The following SZT2 variants were observed in gnomAD, a reference collection of about 807,000 sequenced individuals.
SZT2 encodes the protein KICSTOR complex protein SZT2.
A neutral mutation model predicts 404.2 loss-of-function variants in SZT2; 216 were observed. That is an observed-to-expected ratio of 0.53 (90% CI 0.48 to 0.60). SZT2 has a LOEUF of 0.60. SZT2 is among the 20% of genes least tolerant of loss of function. The probability of loss-of-function intolerance (pLI) is 0.00; values close to 1 mark genes in which losing one functional copy is unlikely to be tolerated. For synonymous variants in SZT2, 1,693 were observed against 1,749.9 expected (o/e 0.97, Z 0.81); for missense variants, 3,857 against 4,459.2 (o/e 0.86, Z 3.85).
chr1:43,452,742 C>T lies in SZT2; in HGVS notation c.*2262C>T. 1 of 702,716 alleles carries T rather than the reference C, an allele frequency of 1.4e-6. No individual in the cohort carries two copies. Among genetic ancestry groups the T allele is most frequent in the Non-Finnish European group, 2.5e-6 (1 of 406,968 alleles). The allele number at this position is 702,716 out of a possible 1,614,324, so 43.5% of individuals were successfully genotyped here. ...CCCCACCATTGACCAGTAGTGATCC[C>T]CTCTTGCCAGTTCCTTCTGAGCCTG... is the stretch of plus-strand genomic sequence containing the variant. On this transcript the variant is annotated 3_prime_UTR_variant, in exon 72 of 72. Coordinates refer to ENST00000634258, the MANE Select transcript of SZT2 (RefSeq NM_001365999.1).
In SZT2 at chr1:43,450,915, A is replaced by G. The variant is rs1557611291; in HGVS notation, c.*435A>G. 5.4e-6 allele frequency: 4 copies of G among 746,980 alleles called. No individual in the cohort carries two copies. The highest frequency in any genetic ancestry group is 9.8e-6 in the Non-Finnish European group (4 of 406,808). 46.3% of individuals were successfully genotyped at this position (746,980 alleles called of 1,614,324 possible). The stretch of plus-strand genomic sequence containing the variant: ...TCCCACTTGGACATCACTGCTGGAC[A>G]TTCCCATCGAGATGACACCTGGGTT... On this transcript the variant is annotated 3_prime_UTR_variant, in exon 72 of 72. Transcript: ENST00000634258. The surrounding 1 kb of genome is among the most constrained non-coding windows in gnomAD (Gnocchi z 4.3).
chr1:43,449,887 A>G (rs1656174503), intron 70 of SZT2: 1 of 625,822 alleles, frequency 1.6e-6, no homozygotes, highest in Non-Finnish European at 2.9e-6. Context: ...ATCAACTGTT[A>G]CCCCTCATTC....
At chr1:43,399,335 A>T (rs1032812983) in intron 1 of SZT2, among the ~76,000 whole-genome samples, 1 of 151,872 alleles carries the variant, frequency 6.6e-6, no homozygotes, top group African/African-American at 2.4e-5. Context: ...GCATTATCTC[A>T]TCAAGACCCA....
chr1:43,433,275 GAAGT>G (rs1430327881), intron 40 of SZT2, 85 bp downstream of exon 40: 19 of 1,459,488 alleles, frequency 1.3e-5, no homozygotes, highest in Middle Eastern at 2.4e-4. Flanking sequence ...AGTGTTGTTA[GAAGT>G]AAGACTTGGG....
chr1:43,442,981 A>G lies in SZT2; in HGVS notation c.8314A>G (p.Thr2772Ala). Residue 2772 changes from threonine (T) to alanine (A), a missense_variant, in exon 59 of 72, where the codon ACG becomes GCG. By Grantham distance (58) the Thr-to-Ala change is moderately conservative (BLOSUM62 0). This residue lies in a region of SZT2 where 6 missense variants were observed against 17.5 expected (regional missense o/e 0.34). Coordinates refer to ENST00000634258, the MANE Select transcript of SZT2 (RefSeq NM_001365999.1). This position sits in a 1 kb window ranked among gnomAD's most constrained non-coding sequence, Gnocchi z 4.5. ...CTTTGACGAGGCCCTAAGGGATATCACGGCTGCCCGCCCCAGCTCCGTACT... is the reference window on the plus strand; with the variant it reads ...CTTTGACGAGGCCCTAAGGGATATCGCGGCTGCCCGCCCCAGCTCCGTACT... ...FPFDEALRDI[T>A]AARPSSVLGP... is the part of the protein sequence containing the mutation. 6.2e-7 allele frequency: 1 copy of G among 1,614,012 alleles called. No homozygotes were observed. Among genetic ancestry groups the G allele is most frequent in the Non-Finnish European group, 8.5e-7 (1 of 1,179,984 alleles).
Position 43,453,629 on chromosome 1 carries a change from C to G in SZT2, c.*3149C>G. On this transcript the variant is annotated 3_prime_UTR_variant, in exon 72 of 72. Coordinates refer to ENST00000634258, the MANE Select transcript of SZT2 (RefSeq NM_001365999.1). ...TGTTGATCAGTACAAGCCGCAGCCCCGCTTCTCGCGCGGCGCGCGCCAGCG... is the reference window on the plus strand; with the variant it reads ...TGTTGATCAGTACAAGCCGCAGCCCGGCTTCTCGCGCGGCGCGCGCCAGCG... 6.7e-7 allele frequency: 1 copy of G among 1,494,186 alleles called. No homozygotes were observed. 92.6% of individuals were successfully genotyped at this position (1,494,186 alleles called of 1,614,324 possible).
Position 43,453,101 on chromosome 1 carries a change from C to G in SZT2, c.*2621C>G. ...TGCTCCCACAGCTTCCTGGAATAGGCCTGTCCTCAAATGCATCACTGTATA... is the reference window on the plus strand; with the variant it reads ...TGCTCCCACAGCTTCCTGGAATAGGGCTGTCCTCAAATGCATCACTGTATA... On this transcript the variant is annotated 3_prime_UTR_variant, in exon 72 of 72. Transcript: ENST00000634258. 1 of 777,456 alleles carries G rather than the reference C, an allele frequency of 1.3e-6. No individual in the cohort carries two copies. Among genetic ancestry groups the G allele is most frequent in the Non-Finnish European group, 2.3e-6 (1 of 443,764 alleles). 48.2% of individuals were successfully genotyped at this position (777,456 alleles called of 1,614,324 possible). A position where few individuals can be genotyped will look rare whatever the true frequency, so the allele number is the denominator to read the frequency against.
chr1:43,431,176 G>C (rs1466060000), intron 33 of SZT2, 86 bp downstream of exon 33: 1 of 1,572,874 alleles, frequency 6.4e-7, no homozygotes, highest in African/African-American at 1.4e-5. Context: ...GGGGACTAAG[G>C]AGACCTTGAG....
At chr1:43,449,230 G>A (rs1557607800) in intron 70 of SZT2, 1 of 168,108 alleles carries the variant, frequency 5.9e-6, no homozygotes, top group Non-Finnish European at 1.3e-5. Flanking sequence ...TAAAGGACAG[G>A]TAGAGAGAAC....
chr1:43,439,548 G>T lies in SZT2; in HGVS notation c.6878-57G>T. ...CAGGCTTGCAGCTGAGTGGAGGGTC[G>T]TGGGAGGGGTGGTCTGCAAGTCCCA... On this transcript the variant is annotated intron_variant, in intron 49 of 71. Coordinates refer to ENST00000634258, the MANE Select transcript of SZT2 (RefSeq NM_001365999.1). This position sits in a 1 kb window ranked among gnomAD's most constrained non-coding sequence, Gnocchi z 4.2. 6.2e-7 allele frequency: 1 copy of T among 1,608,766 alleles called. No homozygotes were observed. The highest frequency in any genetic ancestry group is 8.5e-7 in the Non-Finnish European group (1 of 1,177,068).
intron 63 of SZT2, 26 bp downstream of exon 63, chr1:43,446,010 T>C: frequency 6.2e-7 from 1 of 1,610,996 alleles, no homozygotes; most frequent in South Asian, 1.1e-5. Context: ...ATGGTAAAGT[T>C]ACTGATGCTA....
At position 43,422,194 on chromosome 1, in the gene SZT2, C is replaced by G. The variant is rs780965558; in HGVS notation, c.1738C>G (p.His580Asp). Residue 580 changes from histidine (H) to aspartate (D), a missense_variant, in exon 12 of 72, where the codon CAT becomes GAT. Physicochemically the swap from His to Asp is moderately conservative, Grantham distance 81 (BLOSUM62 -1). This residue lies in a region of SZT2 where 1,725 missense variants were observed against 1,881.0 expected (regional missense o/e 0.92). Coordinates refer to ENST00000634258, the MANE Select transcript of SZT2 (RefSeq NM_001365999.1). ...TTCCTGGCAGCGATGGCTGCACATGCATCGCCTGGTGCTAATCCTGGAGCA... is the reference window on the plus strand; with the variant it reads ...TTCCTGGCAGCGATGGCTGCACATGGATCGCCTGGTGCTAATCCTGGAGCA... ...ANSWQRWLHM[H>D]RLVLILEHDT... The G allele has an allele frequency of 3.8e-6, 6 of 1,595,384 alleles. No homozygotes were observed. Among genetic ancestry groups the G allele is most frequent in the Non-Finnish European group, 4.2e-6 (5 of 1,177,952 alleles).
At position 43,447,556 on chromosome 1, in the gene SZT2, C is replaced by T. The variant is rs1197531082; in HGVS notation, c.9298C>T (p.Leu3100Phe). ...RNHIYQGTLE[L>F]PTPLIAAHQL... is the part of the protein sequence containing the mutation. ...TACTTATCCCTCAGGGACATTGGAG[C>T]TCCCCACACCACTCATTGCTGCCCA... The change falls in exon 67 of 72, where the codon CTC (leucine) becomes TTC (phenylalanine). Residue 3100 changes from leucine (L) to phenylalanine (F), a missense_variant. Leu to Phe is a conservative substitution (Grantham distance 22, BLOSUM62 0). Around this residue, in one of 7 missense-constraint regions of SZT2, gnomAD observed 717 missense variants for 868.2 expected, o/e 0.83. Coordinates refer to ENST00000634258, the MANE Select transcript of SZT2 (RefSeq NM_001365999.1). 6 of 1,613,892 alleles carry T rather than the reference C, an allele frequency of 3.7e-6. No individual in the cohort carries two copies. Among genetic ancestry groups the T allele is most frequent in the African/African-American group, 1.3e-5 (1 of 75,044 alleles).
Position 43,415,199 on chromosome 1 carries a change from G to C in SZT2, c.616G>C (p.Asp206His). ...KVATMLQQQY[D>H]PQSQAEDQSP... ...GGCCACCATGCTGCAGCAGCAGTAC[G>C]ATCCCCAGAGCCAGGTATGTAAGAG... The change falls in exon 5 of 72, where the codon GAT becomes CAT. Residue 206 changes from aspartate to histidine, a missense_variant. This residue lies in a region of SZT2 where 536 missense variants were observed against 637.4 expected (regional missense o/e 0.84). Coordinates refer to ENST00000634258, the MANE Select transcript of SZT2 (RefSeq NM_001365999.1). 6.3e-7 allele frequency: 1 copy of C among 1,597,834 alleles called. No homozygotes were observed. Among genetic ancestry groups the C allele is most frequent in the African/African-American group, 1.3e-5 (1 of 75,014 alleles).
chr1:43,392,235 T>G (rs1648473345), intron 1 of SZT2, among the ~76,000 whole-genome samples: 1 of 152,040 alleles, frequency 6.6e-6, no homozygotes, highest in Non-Finnish European at 1.5e-5. Flanking sequence ...TTTTTTTTGG[T>G]ACCAAGTCTT....
rs1557585701 is a variant in SZT2, at chr1:43,439,130, ACCCCTGC to A, written c.6792+48_6792+54del. 6 of 1,612,302 alleles carry A rather than the reference ACCCCTGC, an allele frequency of 3.7e-6. No homozygotes were observed. Among genetic ancestry groups the A allele is most frequent in the Admixed American group, 3.3e-5 (2 of 59,956 alleles). ...CTCATCTCTCTCCACACTCATGTGCACCCCTGCCCCCTGCCCCACGCACTTACTCTTT... is the reference window on the plus strand; with the variant it reads ...CTCATCTCTCTCCACACTCATGTGCACCCCTGCCCCACGCACTTACTCTTT... On this transcript the variant is annotated intron_variant, in intron 48 of 71. Coordinates refer to ENST00000634258, the MANE Select transcript of SZT2 (RefSeq NM_001365999.1). This position sits in a 1 kb window ranked among gnomAD's most constrained non-coding sequence, Gnocchi z 4.2.
At position 43,427,064 on chromosome 1, in the gene SZT2, T is replaced by A. The variant is rs1226392680; in HGVS notation, c.3318T>A (p.Gly1106=). 6.2e-7 allele frequency: 1 copy of A among 1,614,210 alleles called. No individual in the cohort carries two copies. The highest frequency in any genetic ancestry group is 2.2e-5 in the East Asian group (1 of 44,882). The change falls in exon 24 of 72, where the codon GGT becomes GGA. Residue 1106 remains glycine, a synonymous_variant. Transcript: ENST00000634258. ...CTGTTTTTCTCTTACAGAGTGTAGG[T>A]CTTCCTGAAACTCTCAAGCCTCTCA... The part of the protein sequence containing the change: ...GDSAFTSLSV[G]LPETLKPLIS...
At chr1:43,409,144 G>A (rs777458813) in intron 4 of SZT2, among the ~76,000 whole-genome samples, 5 of 152,202 alleles carry the variant, frequency 3.3e-5, no homozygotes, top group Non-Finnish European at 7.3e-5. Context: ...GGGAAAAAGA[G>A]AAGGAAGAGG....
chr1:43,451,686 T>C lies in SZT2; in HGVS notation c.*1206T>C. ...GAACTCCCGGATGTTTCCTGTCAGG[T>C]TCCCATCCATGATCTGCCAGTGGAA... is the stretch of plus-strand genomic sequence containing the variant. On this transcript the variant is annotated 3_prime_UTR_variant, in exon 72 of 72. Transcript: ENST00000634258. 1 of 1,614,104 alleles carries C rather than the reference T, an allele frequency of 6.2e-7. No individual in the cohort carries two copies. Among genetic ancestry groups the C allele is most frequent in the Non-Finnish European group, 8.5e-7 (1 of 1,179,994 alleles).
Sources: gnomAD v4.1 joint callset for allele counts (sites outside exome capture counted in the v4.1 genomes callset) on GRCh38, gnomAD v4.1.1 for gene constraint, gnomAD v4.1.1 regional missense constraint, Gnocchi (gnomAD v3.1) non-coding constraint, MANE v1.5 for transcripts, NCBI Gene and HGNC (gene_info 2026-07-23, HGNC 2026-07-21) for gene names.